Variants in DMD observed in about 807,000 individuals in gnomAD.
The protein encoded by DMD is dystrophin.
DMD carries 63 observed loss-of-function variants against 330.1 expected under a neutral mutation model. That is an observed-to-expected ratio of 0.19 (90% CI 0.16 to 0.24). The LOEUF (loss-of-function observed/expected upper bound fraction) is 0.24, where lower values mean the gene tolerates loss of function less well. Ranked by LOEUF, DMD falls within the 10% of genes least tolerant of loss-of-function variation. DMD has a pLI of 1.00. For synonymous variants in DMD, 1,223 were observed against 959.8 expected, an observed-to-expected ratio of 1.27 and a Z score of -5.07; for missense variants, 3,344 against 2,684.1, an observed-to-expected ratio of 1.25 and a Z score of -5.43.
chrX:32,329,448 AAAG>A (rs762478619), intron 41 of DMD, among the ~76,000 whole-genome samples: 3 of 112,084 alleles, frequency 2.7e-5, no homozygotes, highest in African/African-American at 6.5e-5. Context: ...TGGCAAGTTT[AAAG>A]AAGAGGAGGG....
intron 2 of DMD, among the ~76,000 whole-genome samples, chrX:32,920,841 A>T (rs1180316284): frequency 8.9e-6 from 1 of 112,424 alleles, no homozygotes; most frequent in African/African-American, 3.2e-5. Context: ...AGAAATAAAC[A>T]AGATGTTCAG....
At chrX:33,042,268 A>G (rs1042515462) in intron 1 of DMD, among the ~76,000 whole-genome samples, 3 of 111,870 alleles carry the variant, frequency 2.7e-5, no homozygotes, top group Non-Finnish European at 5.6e-5. Flanking sequence ...CCTTCTCAAC[A>G]GCCTAGGATG....
At chrX:31,366,487 A>ACAT (rs1569533372) in intron 60 of DMD, among the ~76,000 whole-genome samples, 1 of 100,747 alleles carries the variant, frequency 9.9e-6, no homozygotes, top group Non-Finnish European at 2.0e-5. Flanking sequence ...AAAAAAAAAA[A>ACAT]AAAAAAAAAC....
intron 60 of DMD, among the ~76,000 whole-genome samples, chrX:31,386,005 A>G (rs1177503488): frequency 8.9e-6 from 1 of 112,607 alleles, no homozygotes; most frequent in Non-Finnish European, 1.9e-5. Context: ...GACTGGATTA[A>G]GAAAATGTGG....
At chrX:31,332,770 T>C (rs1195961269) in intron 61 of DMD, among the ~76,000 whole-genome samples, 1 of 112,428 alleles carries the variant, frequency 8.9e-6, no homozygotes, top group East Asian at 2.8e-4. Flanking sequence ...GGTTAATCTA[T>C]GCAAAATGCT....
intron 13 of DMD, among the ~76,000 whole-genome samples, chrX:32,589,951 A>G (rs1282970589): frequency 1.8e-5 from 2 of 111,591 alleles, no homozygotes; most frequent in Admixed American, 1.9e-4. Context: ...ACCCACGAAC[A>G]CTCATAGAGA....
At chrX:32,930,073 G>T in intron 2 of DMD, among the ~76,000 whole-genome samples, 1 of 111,587 alleles carries the variant, frequency 9.0e-6, no homozygotes, top group Admixed American at 9.6e-5. Context: ...GTACATCATA[G>T]GTTAGCCTAG....
intron 16 of DMD, 42 bp downstream of exon 16, chrX:32,565,660 A>G (rs767501471): frequency 8.5e-7 from 1 of 1,173,116 alleles, no homozygotes; most frequent in Admixed American, 2.2e-5. Flanking sequence ...GGTTTAAAAA[A>G]TCTCTGAGAT....
chrX:31,422,642 A>G (rs1390214688), intron 60 of DMD, among the ~76,000 whole-genome samples: 1 of 112,020 alleles, frequency 8.9e-6, no homozygotes, highest in Non-Finnish European at 1.9e-5. Context: ...CTTTTAAGAT[A>G]CAAATTAAAA....
At chrX:32,408,085 G>A (rs764641911) in intron 30 of DMD, among the ~76,000 whole-genome samples, 4 of 110,212 alleles carry the variant, frequency 3.6e-5, no homozygotes, top group Non-Finnish European at 7.6e-5. Context: ...CAACTAACCT[G>A]CACGTTGTGC....
At chrX:32,008,470 T>TA (rs1030055055) in intron 44 of DMD, among the ~76,000 whole-genome samples, 7 of 111,111 alleles carry the variant, frequency 6.3e-5, no homozygotes, top group African/African-American at 2.0e-4. Flanking sequence ...ATCATAGGAT[T>TA]AAAAAAAATT....
chrX:32,772,215 GTTA>G (rs2073685547), intron 7 of DMD, among the ~76,000 whole-genome samples: 1 of 112,433 alleles, frequency 8.9e-6, no homozygotes, highest in African/African-American at 3.2e-5. Context: ...TTTGAATGCC[GTTA>G]TTAATTCATG....
intron 44 of DMD, among the ~76,000 whole-genome samples, chrX:31,983,350 A>C (rs1237374563): frequency 9.0e-6 from 1 of 111,314 alleles, no homozygotes; most frequent in African/African-American, 3.3e-5. Context: ...TTTCATTTAT[A>C]GTTTGAAATT....
intron 17 of DMD, among the ~76,000 whole-genome samples, chrX:32,529,390 T>A (rs2047261402): frequency 3.5e-5 from 2 of 57,208 alleles, no homozygotes; most frequent in African/African-American, 1.3e-4. Context: ...TTTTTTTTTT[T>A]TTTTTTTTTT....
At chrX:33,004,258 G>C (rs922331770) in intron 2 of DMD, among the ~76,000 whole-genome samples, 3 of 111,866 alleles carry the variant, frequency 2.7e-5, no homozygotes, top group Admixed American at 9.6e-5. Context: ...AACAACTCAA[G>C]ATGTTAGCAA....
chrX:32,522,426 A>G (rs1429197894), intron 17 of DMD, among the ~76,000 whole-genome samples: 1 of 112,237 alleles, frequency 8.9e-6, no homozygotes, highest in Non-Finnish European at 1.9e-5. Context: ...ACATATCCGT[A>G]TAATTTGTAA....
chrX:32,394,901 C>CAAAAAA (rs2098029387), intron 30 of DMD, among the ~76,000 whole-genome samples: 1 of 27,177 alleles, frequency 3.7e-5, no homozygotes, highest in Non-Finnish European at 7.6e-5. Context: ...CAAAGAAGAG[C>CAAAAAA]AAAAAACAAA....
At position 31,466,056 on chromosome X, in the gene DMD, C is replaced by T. The variant is rs745722219; in HGVS notation, c.8937+12050G>A. ...TTTTTCTTGTAAATTTGTTTAAGTT[C>T]CTTGTAGATTCTGGATATCAGCCCT... is the stretch of plus-strand genomic sequence containing the variant. On this transcript the variant is annotated intron_variant, in intron 59 of 78. Transcript: ENST00000357033. 3.6e-5 allele frequency among the ~76,000 whole-genome samples: 4 copies of T among 111,993 alleles called. No individual in the cohort carries two copies. The South Asian group carries it at 1.1e-3, about 31-fold the overall frequency.
chrX:32,496,246 A>C (rs1191057873), intron 19 of DMD, among the ~76,000 whole-genome samples: 2 of 112,119 alleles, frequency 1.8e-5, no homozygotes, highest in East Asian at 5.6e-4. Context: ...TTGAATTAAA[A>C]GAATATTTGG....
Sources: gnomAD v4.1 joint callset for allele counts (sites outside exome capture counted in the v4.1 genomes callset) on GRCh38, gnomAD v4.1.1 for gene constraint, MANE v1.5 for transcripts, NCBI Gene and HGNC (gene_info 2026-07-23, HGNC 2026-07-21) for gene names.